The following RALGAPA1 variants were observed in gnomAD, a reference collection of about 807,000 sequenced individuals.
RALGAPA1 encodes the protein Ral GTPase activating protein catalytic subunit alpha 1.
A neutral mutation model predicts 269.6 loss-of-function variants in RALGAPA1; 52 were observed. The observed-to-expected ratio is 0.19, with a 90% CI of 0.15 to 0.24. RALGAPA1 has a LOEUF of 0.24. Among genes scored for constraint, RALGAPA1 ranks in the 10% least tolerant of loss-of-function variants. The pLI, the probability that RALGAPA1 is intolerant of heterozygous loss-of-function variation, is 1.00. For synonymous variants in RALGAPA1, 817 were observed against 1,008.3 expected (o/e 0.81, Z 3.60); for missense variants, 1,917 against 3,013.9 (o/e 0.64, Z 8.52).
At chr14:35,751,847 T>G (rs564156958) in intron 8 of RALGAPA1, among the ~76,000 whole-genome samples, 177 bp downstream of exon 8, 1 of 151,984 alleles carries the variant, frequency 6.6e-6, no homozygotes, top group East Asian at 1.9e-4. Flanking sequence ...TCATCCTCAT[T>G]GAAAATTTCC....
intron 4 of RALGAPA1, chr14:35,766,960 T>C: frequency 5.2e-6 from 2 of 383,774 alleles, no homozygotes; most frequent in South Asian, 4.5e-5. Flanking sequence ...TGCCGTTTAC[T>C]GGACATGCAT....
chr14:35,772,532 C>T (rs1412451479), intron 3 of RALGAPA1, among the ~76,000 whole-genome samples: 2 of 152,124 alleles, frequency 1.3e-5, no homozygotes, highest in African/African-American at 2.4e-5. Context: ...CTAAACAGTG[C>T]TCTCAATACT....
chr14:35,757,893 C>A (rs2073326983), intron 6 of RALGAPA1, among the ~76,000 whole-genome samples: 1 of 152,158 alleles, frequency 6.6e-6, no homozygotes. Flanking sequence ...TATTCTGCCA[C>A]TCATTTTAAA....
chr14:35,697,623 A>T (rs956600942), intron 17 of RALGAPA1, among the ~76,000 whole-genome samples: 2 of 151,656 alleles, frequency 1.3e-5, no homozygotes, highest in Non-Finnish European at 2.9e-5. Flanking sequence ...CTGGGGGTAC[A>T]GGTGTGAGCC....
intron 16 of RALGAPA1, among the ~76,000 whole-genome samples, chr14:35,705,533 GAAT>G (rs1356325346): frequency 6.6e-6 from 1 of 151,676 alleles, no homozygotes; most frequent in Non-Finnish European, 1.5e-5. Context: ...TTTTATCATG[GAAT>G]AATATTCCAT....
At chr14:35,728,749 TC>T (rs1428407558) in intron 12 of RALGAPA1, among the ~76,000 whole-genome samples, 3 of 151,934 alleles carry the variant, frequency 2.0e-5, no homozygotes, top group East Asian at 3.8e-4. Context: ...TTTTTTTTTT[TC>T]GAGACAGAGT....
chr14:35,714,862 C>T (rs2068671968), intron 16 of RALGAPA1, among the ~76,000 whole-genome samples: 1 of 152,172 alleles, frequency 6.6e-6, no homozygotes. Flanking sequence ...GGTCAGTACA[C>T]AATTCTATAA....
In RALGAPA1 at chr14:35,572,600, T is replaced by C; in HGVS notation, c.7328A>G (p.Lys2443Arg). 1 of 1,606,850 alleles carries C rather than the reference T, an allele frequency of 6.2e-7. No individual in the cohort carries two copies. The highest frequency in any genetic ancestry group is 8.5e-7 in the Non-Finnish European group (1 of 1,177,038). ...GDVLIVIYPM[K>R]NHMFSIQIMK... ...TATCTGAATACTGAACATGTGATTT[T>C]TCATTGGATATATTACAATAAGGAC... Residue 2443 changes from lysine (K) to arginine (R), a missense_variant, in exon 38 of 42, where the codon AAA becomes AGA. Around this residue, in one of 11 missense-constraint regions of RALGAPA1, gnomAD observed 91 missense variants for 130.9 expected, o/e 0.70. Coordinates refer to ENST00000680220, the MANE Select transcript of RALGAPA1 (RefSeq NM_001346249.2).
At chr14:35,787,234 A>C (rs2075859904) in intron 1 of RALGAPA1, among the ~76,000 whole-genome samples, 1 of 152,248 alleles carries the variant, frequency 6.6e-6, no homozygotes, top group South Asian at 2.1e-4. Flanking sequence ...TAGAGATCAG[A>C]TCAGCTCCAT....
intron 41 of RALGAPA1, among the ~76,000 whole-genome samples, chr14:35,542,992 CT>C (rs1222837061): frequency 3.3e-5 from 5 of 152,168 alleles, no homozygotes; most frequent in Non-Finnish European, 7.4e-5. Flanking sequence ...TGGTTTAAAG[CT>C]GCTAATTATT....
Position 35,688,942 on chromosome 14 carries a change from A to G in RALGAPA1, c.3469T>C (p.Ser1157Pro). The change falls in exon 18 of 42, where the codon TCC becomes CCC. Residue 1157 changes from serine to proline, a missense_variant. Physicochemically the swap from Ser to Pro is moderately conservative, Grantham distance 74 (BLOSUM62 -1). Coordinates refer to ENST00000680220, the MANE Select transcript of RALGAPA1 (RefSeq NM_001346249.2). ...TTATAAAACTGAACGGACTCAGTGG[A>G]TGGCCTAAAAGTAACATGAACACTA... ...RNSVHVTFRP[S>P]TESVQFYNPL... 2 of 1,246,830 alleles carry G rather than the reference A, an allele frequency of 1.6e-6. No individual in the cohort carries two copies. The highest frequency in any genetic ancestry group is 3.9e-5 in the South Asian group (1 of 25,586). The allele number at this position is 1,246,830 out of a possible 1,614,324, so 77.2% of individuals were successfully genotyped here.
chr14:35,645,239 C>G (rs1184068409), intron 31 of RALGAPA1, among the ~76,000 whole-genome samples: 1 of 152,052 alleles, frequency 6.6e-6, no homozygotes, highest in African/African-American at 2.4e-5. Context: ...GACCTAATTA[C>G]CTCTCAAAGG....
At chr14:35,540,278 G>A (rs28708787) in intron 41 of RALGAPA1, among the ~76,000 whole-genome samples, 17,116 of 152,106 alleles carry the variant, frequency 0.11, 1,033 homozygotes, top group South Asian at 0.13. Context: ...TGTGGATGAG[G>A]GGAGGACAAG....
intron 31 of RALGAPA1, among the ~76,000 whole-genome samples, chr14:35,645,827 G>A (rs949588247): frequency 6.6e-6 from 1 of 152,100 alleles, no homozygotes; most frequent in South Asian, 2.1e-4. Context: ...CGGAAGCAGG[G>A]TTTCTTGGAG....
Position 35,689,099 on chromosome 14 carries a change from T to C in RALGAPA1, c.3312A>G (p.Thr1104=), listed in dbSNP as rs182417990. The part of the protein sequence containing the change: ...VPHVMRAKKA[T]LKAPVNRRMP... ...TTCTGCGGTTAACAGGTGCTTTTAG[T>C]GTTGCTTTCTTGGCACGCATAACAT... Residue 1104 remains threonine, a synonymous_variant, in exon 18 of 42, where the codon ACA becomes ACG. Coordinates refer to ENST00000680220, the MANE Select transcript of RALGAPA1 (RefSeq NM_001346249.2). 1.1e-5 allele frequency: 13 copies of C among 1,235,922 alleles called. No individual in the cohort carries two copies. Among genetic ancestry groups the C allele is most frequent in the Admixed American group, 4.1e-5 (1 of 24,520 alleles). 76.6% of individuals were successfully genotyped at this position (1,235,922 alleles called of 1,614,324 possible). A position where few individuals can be genotyped will look rare whatever the true frequency, so the allele number is the denominator to read the frequency against.
At chr14:35,573,617 A>G (rs534824842) in intron 37 of RALGAPA1, among the ~76,000 whole-genome samples, 12 of 152,294 alleles carry the variant, frequency 7.9e-5, no homozygotes, top group Admixed American at 7.2e-4. Flanking sequence ...CTTAAGGATG[A>G]ACATAGGGTA....
chr14:35,799,675 G>A (rs1478315150), intron 1 of RALGAPA1, among the ~76,000 whole-genome samples: 1 of 151,718 alleles, frequency 6.6e-6, no homozygotes, highest in Non-Finnish European at 1.5e-5. Context: ...AAAGAAGGGA[G>A]AAAAAAGGGT....
chr14:35,740,207 T>C (rs1405525747), intron 11 of RALGAPA1, among the ~76,000 whole-genome samples: 1 of 152,174 alleles, frequency 6.6e-6, no homozygotes, highest in Non-Finnish European at 1.5e-5. Context: ...TTTATAATAA[T>C]ACTTATTTTG....
At chr14:35,792,450 C>A (rs1349627134) in intron 1 of RALGAPA1, among the ~76,000 whole-genome samples, 1 of 151,968 alleles carries the variant, frequency 6.6e-6, no homozygotes, top group Non-Finnish European at 1.5e-5. Context: ...AACCACCATG[C>A]CAGCTAGTGA....
Sources: gnomAD v4.1 joint callset for allele counts (sites outside exome capture counted in the v4.1 genomes callset) on GRCh38, gnomAD v4.1.1 for gene constraint, gnomAD v4.1.1 regional missense constraint, MANE v1.5 for transcripts, NCBI Gene and HGNC (gene_info 2026-07-23, HGNC 2026-07-21) for gene names.